GABBR2: variants seen among roughly 807,000 people sequenced by gnomAD.
GABBR2 encodes the protein G-protein coupled receptor 51.
A neutral mutation model predicts 105.6 loss-of-function variants in GABBR2; 23 were observed. That is an observed-to-expected ratio of 0.22 (90% CI 0.16 to 0.31). The LOEUF is 0.31. Ranked by LOEUF, GABBR2 falls within the 10% of genes least tolerant of loss-of-function variation. The pLI, the probability that GABBR2 is intolerant of heterozygous loss-of-function variation, is 1.00. For missense variants in GABBR2, 734 were observed against 1,245.5 expected, an observed-to-expected ratio of 0.59 and a Z score of 6.18; for synonymous variants, 478 against 499.7, an observed-to-expected ratio of 0.96 and a Z score of 0.58.
At chr9:98,315,012 G>T (rs1830691828) in intron 13 of GABBR2, among the ~76,000 whole-genome samples, 1 of 152,192 alleles carries the variant, frequency 6.6e-6, no homozygotes, top group African/African-American at 2.4e-5. Context: ...AGACCCATCA[G>T]GTAGTTTTCA....
In GABBR2 at chr9:98,454,276, C is replaced by T; in HGVS notation, c.1000-59G>A. Reference sequence around the variant, plus strand: ...TATACTCGGCAGGGACATCAGGTGCCTGATGCCGAGAAGAGCTGCTATTCT... The same window carrying T: ...TATACTCGGCAGGGACATCAGGTGCTTGATGCCGAGAAGAGCTGCTATTCT... On this transcript the variant is annotated intron_variant, in intron 6 of 18. Transcript: ENST00000259455. This position sits in a 1 kb window ranked among gnomAD's most constrained non-coding sequence, Gnocchi z 4.6. 3.4e-6 allele frequency: 4 copies of T among 1,175,672 alleles called. No individual in the cohort carries two copies. The highest frequency in any genetic ancestry group is 5.1e-6 in the Non-Finnish European group (4 of 781,294). The allele number at this position is 1,175,672 out of a possible 1,614,324, so 72.8% of individuals were successfully genotyped here.
chr9:98,559,938 T>C (rs1828641731), intron 2 of GABBR2, among the ~76,000 whole-genome samples: 1 of 150,678 alleles, frequency 6.6e-6, no homozygotes, highest in South Asian at 2.1e-4. Context: ...GTGTAGACTG[T>C]ATGCTCCCTT....
At chr9:98,301,193 T>C (rs1830463209) in intron 16 of GABBR2, among the ~76,000 whole-genome samples, 1 of 152,130 alleles carries the variant, frequency 6.6e-6, no homozygotes, top group South Asian at 2.1e-4. Context: ...GGTCAGAAGT[T>C]CCAGAGGCCT....
At chr9:98,300,983 A>G (rs1235287746) in intron 16 of GABBR2, among the ~76,000 whole-genome samples, 1 of 152,206 alleles carries the variant, frequency 6.6e-6, no homozygotes, top group African/African-American at 2.4e-5. Context: ...GGGTAGCTGA[A>G]CACGTGAAGG....
At chr9:98,409,710 C>T (rs1832551682) in intron 7 of GABBR2, among the ~76,000 whole-genome samples, 1 of 152,154 alleles carries the variant, frequency 6.6e-6, no homozygotes. Context: ...TGGATCTAGC[C>T]CTGCTGCCTC....
At chr9:98,433,426 A>G (rs1825847026) in intron 7 of GABBR2, among the ~76,000 whole-genome samples, 1 of 152,242 alleles carries the variant, frequency 6.6e-6, no homozygotes. Flanking sequence ...CTAGAGTCAC[A>G]GTCTGCAGGT....
In GABBR2 at chr9:98,640,121, CATATAT is replaced by C. The variant is rs6151094; in HGVS notation, c.322-62055_322-62050del. 5.5e-4 allele frequency among the ~76,000 whole-genome samples: 77 copies of C among 140,888 alleles called. 1 individual carries two copies. The highest frequency in any genetic ancestry group is 1.6e-3 in the African/African-American group (63 of 38,850). The allele number at this position is 140,888 out of a possible 152,430, so 92.4% of individuals were successfully genotyped here. Reference sequence around the variant, plus strand: ...AGTTTTGAGCCTTTGAAAATACAACCATATATATATATATATATATATATAAACAAT... The same window carrying C: ...AGTTTTGAGCCTTTGAAAATACAACCATATATATATATATATATAAACAAT... On this transcript the variant is annotated intron_variant, in intron 1 of 18. Transcript: ENST00000259455.
At chr9:98,621,428 T>C (rs1829669053) in intron 1 of GABBR2, among the ~76,000 whole-genome samples, 1 of 152,248 alleles carries the variant, frequency 6.6e-6, no homozygotes, top group Non-Finnish European at 1.5e-5. Flanking sequence ...ACTTTGTGAC[T>C]CTGCTTCTCA....
intron 12 of GABBR2, among the ~76,000 whole-genome samples, chr9:98,363,556 C>T (rs1831624814): frequency 6.6e-6 from 1 of 152,150 alleles, no homozygotes. Context: ...ACATTTACAG[C>T]AACAATCAGA....
At chr9:98,532,231 A>C (rs1202289816) in intron 3 of GABBR2, among the ~76,000 whole-genome samples, 1 of 152,186 alleles carries the variant, frequency 6.6e-6, no homozygotes, top group African/African-American at 2.4e-5. Flanking sequence ...GCTGCCACAA[A>C]CAACCACCAA....
intron 2 of GABBR2, among the ~76,000 whole-genome samples, chr9:98,565,289 T>C (rs1377751977): frequency 2.0e-5 from 3 of 152,156 alleles, no homozygotes; most frequent in African/African-American, 7.2e-5. Flanking sequence ...GTTACATGTG[T>C]GAGCGGCCTC....
In GABBR2 at chr9:98,293,643, C is replaced by G. The variant is rs539008617; in HGVS notation, c.2660+142G>C. ...ATTAGTTTTTCATCTGTAAAAAGAG[C>G]ACTGTAATTGGACTGCATCATGGGA... is the stretch of plus-strand genomic sequence containing the variant. On this transcript the variant is annotated intron_variant, in intron 18 of 18. Coordinates refer to ENST00000259455, the MANE Select transcript of GABBR2 (RefSeq NM_005458.8). 3 of 562,206 alleles carry G rather than the reference C, an allele frequency of 5.3e-6. No homozygotes were observed. In the South Asian group the frequency reaches 8.5e-5, roughly 16 times the overall value. 34.8% of individuals were successfully genotyped at this position (562,206 alleles called of 1,614,324 possible).
intron 17 of GABBR2, among the ~76,000 whole-genome samples, chr9:98,294,357 T>C (rs1178674043): frequency 6.6e-6 from 1 of 152,292 alleles, no homozygotes; most frequent in East Asian, 1.9e-4. Flanking sequence ...GGACATAATC[T>C]TACTGGGGGC....
At chr9:98,580,239 G>A (rs1390630044) in intron 1 of GABBR2, among the ~76,000 whole-genome samples, 3 of 152,224 alleles carry the variant, frequency 2.0e-5, no homozygotes, top group Non-Finnish European at 1.5e-5. Context: ...TCTCAGCATG[G>A]CTCACTCCTT....
chr9:98,520,636 G>T (rs1322961122), intron 3 of GABBR2, among the ~76,000 whole-genome samples: 1 of 152,238 alleles, frequency 6.6e-6, no homozygotes, highest in East Asian at 1.9e-4. Flanking sequence ...ATCCAAAATG[G>T]CTCTCTAGTG....
At chr9:98,586,431 A>G (rs1829078287) in intron 1 of GABBR2, among the ~76,000 whole-genome samples, 1 of 151,816 alleles carries the variant, frequency 6.6e-6, no homozygotes, top group Non-Finnish European at 1.5e-5. Flanking sequence ...TCTTGAGTAG[A>G]TGGGATCACA....
chr9:98,393,638 A>G (rs1163647053), intron 9 of GABBR2, among the ~76,000 whole-genome samples: 1 of 152,268 alleles, frequency 6.6e-6, no homozygotes, highest in Non-Finnish European at 1.5e-5. Flanking sequence ...TGAATCACCT[A>G]GTAATATCAA....
intron 7 of GABBR2, among the ~76,000 whole-genome samples, chr9:98,424,572 T>C (rs1832840993): frequency 6.6e-6 from 1 of 151,826 alleles, no homozygotes; most frequent in Non-Finnish European, 1.5e-5. Flanking sequence ...TGATTGTATA[T>C]CTAGAAAACC....
intron 3 of GABBR2, among the ~76,000 whole-genome samples, chr9:98,508,669 G>A (rs1827566850): frequency 6.6e-6 from 1 of 152,096 alleles, no homozygotes; most frequent in South Asian, 2.1e-4. Flanking sequence ...CTCATTGCTA[G>A]CACAGCAGTC....
Sources: allele counts gnomAD v4.1 joint callset (sites outside exome capture counted in the v4.1 genomes callset), GRCh38; gene constraint gnomAD v4.1.1; non-coding constraint Gnocchi (gnomAD v3.1); transcripts MANE v1.5; gene names NCBI Gene and HGNC (gene_info 2026-07-23, HGNC 2026-07-21).